The following TEKTIP1 variants were observed in gnomAD, a reference collection of about 807,000 sequenced individuals.
TEKTIP1 encodes the protein tektin bundle-interacting protein 1.
the TEKTIP1 span, chr19:3,543,642 C>T: frequency 0.03 from 46,256 of 1,543,682 alleles, 5,056 homozygotes; most frequent in African/African-American, 0.36. Flanking sequence ...TGGGGGAGCG[C>T]GCTGTGGAAA....
At chr19:3,542,903 G>A in the TEKTIP1 span, 14 of 1,424,078 alleles carry the variant, frequency 9.8e-6, no homozygotes, top group Admixed American at 1.9e-5. Context: ...CTTGGAGGCT[G>A]GACAAGGACT....
chr19:3,543,451 C>A, the TEKTIP1 span: 1 of 1,543,128 alleles, frequency 6.5e-7, no homozygotes, highest in South Asian at 1.2e-5. Flanking sequence ...GCTACCAACA[C>A]CGTGAGTGCA....
At chr19:3,540,575 A>G in the TEKTIP1 span, among the ~76,000 whole-genome samples, 1 of 151,832 alleles carries the variant, frequency 6.6e-6, no homozygotes, top group Non-Finnish European at 1.5e-5. Context: ...CATCTCTATA[A>G]AAAATTTAAA....
chr19:3,539,247 G>A, the TEKTIP1 span: 47 of 1,549,208 alleles, frequency 3.0e-5, no homozygotes, highest in Admixed American at 5.9e-5. Context: ...CAGCTTCCCA[G>A]CACCGCTGTA....
the TEKTIP1 span, chr19:3,542,452 A>G: frequency 1.0e-6 from 1 of 985,206 alleles, no homozygotes; most frequent in African/African-American, 1.7e-5. Context: ...AGCAAGGTCA[A>G]AGCATAAAAC....
chr19:3,543,057 C>T, the TEKTIP1 span: 5 of 1,600,316 alleles, frequency 3.1e-6, no homozygotes, highest in African/African-American at 1.3e-5. Flanking sequence ...CCTCTCTCCT[C>T]AAGCACCCAC....
chr19:3,539,278 G>A, the TEKTIP1 span: 11 of 1,517,246 alleles, frequency 7.2e-6, no homozygotes, highest in South Asian at 3.6e-5. Context: ...CCTCCCTACA[G>A]GTGAGCCCCT....
the TEKTIP1 span, chr19:3,543,768 GC>G: frequency 6.7e-7 from 1 of 1,489,762 alleles, no homozygotes; most frequent in South Asian, 1.3e-5. Flanking sequence ...CGATCCAGGA[GC>G]CCCTTGCTGG....
the TEKTIP1 span, chr19:3,541,620 G>GC: frequency 1.0e-6 from 1 of 984,170 alleles, no homozygotes; most frequent in South Asian, 4.7e-5. Context: ...CGCACCCAGT[G>GC]CAAGACCCTA....
the TEKTIP1 span, chr19:3,541,535 C>T: frequency 3.1e-5 from 10 of 318,550 alleles, 1 homozygote; most frequent in Admixed American, 7.1e-5. Context: ...GTTGGCCAGG[C>T]TGGTCTCAAA....
chr19:3,543,829 T>A, the TEKTIP1 span: 19 of 1,526,766 alleles, frequency 1.2e-5, no homozygotes, highest in East Asian at 4.2e-4. Context: ...CCACCTACAG[T>A]GCTCAACAGG....
chr19:3,540,425 T>C, the TEKTIP1 span, among the ~76,000 whole-genome samples: 1 of 151,566 alleles, frequency 6.6e-6, no homozygotes, highest in Non-Finnish European at 1.5e-5. Context: ...GCCCAGCTAA[T>C]TTTTGTATTT....
chr19:3,542,828 C>G, the TEKTIP1 span: 1 of 1,375,392 alleles, frequency 7.3e-7, no homozygotes, highest in Non-Finnish European at 9.7e-7. Context: ...GTGCCAGCCC[C>G]AGACCACTTC....
the TEKTIP1 span, chr19:3,543,429 G>A: frequency 1.4e-5 from 22 of 1,545,974 alleles, no homozygotes; most frequent in African/African-American, 1.8e-4. Flanking sequence ...GCCTACAACC[G>A]CTGGCACAGC....
the TEKTIP1 span, chr19:3,544,016 T>A: frequency 2.0e-6 from 3 of 1,532,086 alleles, no homozygotes; most frequent in Non-Finnish European, 2.6e-6. Flanking sequence ...GATAAAGGCA[T>A]GCTACCAGGA....
the TEKTIP1 span, chr19:3,543,906 C>G: frequency 1.5e-5 from 23 of 1,550,890 alleles, no homozygotes; most frequent in African/African-American, 2.9e-4. Context: ...GGCACCCCAG[C>G]GCCCGCCCGG....
the TEKTIP1 span, chr19:3,539,555 G>A: frequency 2.2e-6 from 1 of 446,308 alleles, no homozygotes; most frequent in South Asian, 3.7e-5. Context: ...TGAAATCCAG[G>A]CCTGTGCGGG....
the TEKTIP1 span, chr19:3,539,217 C>A: frequency 6.5e-7 from 1 of 1,545,820 alleles, no homozygotes; most frequent in Non-Finnish European, 8.7e-7. Context: ...GCCCTGTATC[C>A]CCTCGGGGAC....
the TEKTIP1 span, among the ~76,000 whole-genome samples, chr19:3,540,660 A>G: frequency 2.0e-5 from 3 of 150,754 alleles, no homozygotes; most frequent in Non-Finnish European, 4.4e-5. Flanking sequence ...CAGGCGGATC[A>G]CCTGAAGTCA....
Sources: allele counts gnomAD v4.1 joint callset (sites outside exome capture counted in the v4.1 genomes callset), GRCh38; gene constraint gnomAD v4.1.1; transcripts MANE v1.5; gene names NCBI Gene and HGNC (gene_info 2026-07-23, HGNC 2026-07-21).